The following TEX11 variants were observed in gnomAD, a reference collection of about 807,000 sequenced individuals.
TEX11 encodes testis expressed 11, also known as testis-expressed protein 11.
A neutral mutation model predicts 84.4 loss-of-function variants in TEX11; 7 were observed. The observed-to-expected ratio is 0.08, with a 90% CI of 0.05 to 0.16. The LOEUF (loss-of-function observed/expected upper bound fraction) is 0.16. Ranked by LOEUF, TEX11 falls within the 10% of genes least tolerant of loss-of-function variation. TEX11 has a pLI of 1.00. For synonymous variants in TEX11, 264 were observed against 222.8 expected, an observed-to-expected ratio of 1.18 and a Z score of -1.64; for missense variants, 551 against 660.5, an observed-to-expected ratio of 0.83 and a Z score of 1.82.
intron 25 of TEX11, among the ~76,000 whole-genome samples, chrX:70,562,025 T>C (rs2088383120): frequency 8.9e-6 from 1 of 111,958 alleles, no homozygotes; most frequent in Non-Finnish European, 1.9e-5. Flanking sequence ...ACTACCTCAG[T>C]TCACTGAATG....
intron 17 of TEX11, among the ~76,000 whole-genome samples, chrX:70,648,392 C>A (rs1354985885): frequency 9.1e-6 from 1 of 109,331 alleles, no homozygotes; most frequent in East Asian, 2.9e-4. Flanking sequence ...GCACATGTAC[C>A]CTGAAACTTA....
chrX:70,559,972 T>C (rs1245078477), intron 25 of TEX11, among the ~76,000 whole-genome samples: 3 of 108,115 alleles, frequency 2.8e-5, no homozygotes, highest in South Asian at 4.2e-4. Flanking sequence ...TTTCCACTAG[T>C]TGTGTGCCAG....
intron 21 of TEX11, among the ~76,000 whole-genome samples, chrX:70,610,190 AGAAGGAAGGAAG>A (rs200527375): frequency 1.3e-3 from 92 of 71,622 alleles, no homozygotes; most frequent in African/African-American, 4.6e-3. Context: ...AAGGAGAGAA[AGAAGGAAGGAAG>A]GAAGGAAGAG....
chrX:70,873,773 T>C lies in TEX11; in HGVS notation c.160-466A>G, dbSNP rs750591443. Among the ~76,000 whole-genome samples the C allele has an allele frequency of 2.7e-5, 3 of 112,339 alleles. No individual in the cohort carries two copies. In the South Asian group the frequency reaches 1.1e-3, roughly 42 times the overall value. The stretch of plus-strand genomic sequence containing the variant: ...CTTTAACCCAATTTATGCACAGCAG[T>C]GGTACAAAATGTATGTTAGTTTTAA... On this transcript the variant is annotated intron_variant, in intron 3 of 29. Transcript: ENST00000374333.
chrX:70,678,688 G>C, intron 15 of TEX11, 116 bp downstream of exon 15: 1 of 542,307 alleles, frequency 1.8e-6, no homozygotes, highest in Non-Finnish European at 3.0e-6. Flanking sequence ...TAAATATATG[G>C]TATCTAAACA....
intron 7 of TEX11, among the ~76,000 whole-genome samples, chrX:70,849,461 T>C (rs2091495730): frequency 8.9e-6 from 1 of 111,972 alleles, no homozygotes. Flanking sequence ...CCTAGCATAG[T>C]AGTCTGTTCA....
At chrX:70,866,089 C>T (rs2091597714) in intron 4 of TEX11, among the ~76,000 whole-genome samples, 1 of 111,231 alleles carries the variant, frequency 9.0e-6, no homozygotes. Context: ...TCAAAAAAAT[C>T]AATGAATCCA....
chrX:70,636,398 C>T (rs1603174119), intron 17 of TEX11, among the ~76,000 whole-genome samples: 1 of 110,200 alleles, frequency 9.1e-6, no homozygotes, highest in African/African-American at 3.3e-5. Flanking sequence ...GGGTCTAGTA[C>T]CACCCCAGTA....
At chrX:70,836,953 G>A (rs1284881300) in intron 7 of TEX11, among the ~76,000 whole-genome samples, 1 of 111,295 alleles carries the variant, frequency 9.0e-6, no homozygotes, top group Non-Finnish European at 1.9e-5. Flanking sequence ...GGAGGCGGAG[G>A]TTGCAGTGAG....
intron 9 of TEX11, among the ~76,000 whole-genome samples, chrX:70,762,422 C>T (rs1229519801): frequency 2.7e-5 from 3 of 111,333 alleles, no homozygotes; most frequent in Non-Finnish European, 5.7e-5. Context: ...GGGGTCGAAG[C>T]TCCTAAAGCA....
intron 17 of TEX11, among the ~76,000 whole-genome samples, chrX:70,642,047 G>A (rs1410457035): frequency 5.5e-5 from 6 of 109,950 alleles, no homozygotes; most frequent in Admixed American, 9.7e-5. Flanking sequence ...AAAAAAGAGA[G>A]AAGAATCAAA....
chrX:70,687,033 C>T (rs2090194912), intron 13 of TEX11, among the ~76,000 whole-genome samples: 1 of 111,738 alleles, frequency 8.9e-6, no homozygotes, highest in Non-Finnish European at 1.9e-5. Flanking sequence ...CCTTAACTCT[C>T]TGCTACACAA....
At chrX:70,587,286 G>A (rs1317995725) in intron 25 of TEX11, among the ~76,000 whole-genome samples, 2 of 112,193 alleles carry the variant, frequency 1.8e-5, no homozygotes, top group African/African-American at 3.2e-5. Context: ...TCCAGGGCAC[G>A]TCAGAGACCT....
chrX:70,786,357 A>T (rs1486623105), intron 9 of TEX11, among the ~76,000 whole-genome samples: 3 of 111,444 alleles, frequency 2.7e-5, no homozygotes, highest in Non-Finnish European at 5.6e-5. Context: ...CATTAGGAGA[A>T]ATACCTAATG....
At chrX:70,856,860 A>T (rs977036043) in intron 5 of TEX11, among the ~76,000 whole-genome samples, 21 of 110,961 alleles carry the variant, frequency 1.9e-4, no homozygotes, top group Non-Finnish European at 3.6e-4. Flanking sequence ...TTTTTTTTAA[A>T]AAAAAGAGAA....
chrX:70,663,315 G>A (rs1352196743), intron 16 of TEX11, among the ~76,000 whole-genome samples: 1 of 111,452 alleles, frequency 9.0e-6, no homozygotes, highest in East Asian at 2.8e-4. Flanking sequence ...GTTTTGGTAG[G>A]TCAAATAATT....
intron 11 of TEX11, among the ~76,000 whole-genome samples, chrX:70,725,675 T>A (rs6653305): frequency 0.071 from 7,937 of 111,981 alleles, 234 homozygotes; most frequent in East Asian, 0.12. Context: ...TATTTTCTTT[T>A]GAGATTTATT....
chrX:70,540,437 C>G (rs4844237), intron 28 of TEX11, among the ~76,000 whole-genome samples: 9,382 of 111,074 alleles, frequency 0.084, 472 homozygotes, highest in Admixed American at 0.25. Context: ...TGTAATAACC[C>G]CAGTCCTTGG....
chrX:70,538,163 T>C (rs917083749), intron 28 of TEX11, among the ~76,000 whole-genome samples: 2 of 111,329 alleles, frequency 1.8e-5, no homozygotes, highest in African/African-American at 6.5e-5. Flanking sequence ...AAAGAGAATA[T>C]TGACTATTGC....
Sources: allele counts gnomAD v4.1 joint callset (sites outside exome capture counted in the v4.1 genomes callset), GRCh38; gene constraint gnomAD v4.1.1; transcripts MANE v1.5; gene names NCBI Gene and HGNC (gene_info 2026-07-23, HGNC 2026-07-21).